The following CDH20 variants were observed in gnomAD, a reference collection of about 807,000 sequenced individuals.
CDH20 encodes cadherin-20.
CDH20 carries 29 observed loss-of-function variants against 74.2 expected under a neutral mutation model. The ratio of observed to expected loss-of-function variants is 0.39; its 90% CI spans 0.29 to 0.53. The LOEUF (loss-of-function observed/expected upper bound fraction) is 0.53, where lower values mean the gene tolerates loss of function less well. CDH20 is among the 20% of genes least tolerant of loss of function. CDH20 has a pLI of 0.69. For missense variants in CDH20, 988 were observed against 1,048.3 expected, an observed-to-expected ratio of 0.94 and a Z score of 0.79; for synonymous variants, 469 against 405.4, an observed-to-expected ratio of 1.16 and a Z score of -1.88.
At chr18:61,495,070 T>C (rs1911087981) in intron 2 of CDH20, among the ~76,000 whole-genome samples, 1 of 152,220 alleles carries the variant, frequency 6.6e-6, no homozygotes, top group South Asian at 2.1e-4. Context: ...ACTTGTCTTA[T>C]TCTGCCTAAA....
chr18:61,379,512 T>C (rs1252459791), intron 1 of CDH20, among the ~76,000 whole-genome samples: 1 of 152,178 alleles, frequency 6.6e-6, no homozygotes, highest in East Asian at 1.9e-4. Context: ...TAAAGCTTAC[T>C]AGAGAAAAGG....
chr18:61,539,206 G>C (rs1912938688), intron 9 of CDH20, 61 bp downstream of exon 9: 1 of 1,571,468 alleles, frequency 6.4e-7, no homozygotes, highest in African/African-American at 1.4e-5. Context: ...ACAATTGTTA[G>C]ATAACCAAAT....
At chr18:61,536,684 A>G in intron 8 of CDH20, 55 bp downstream of exon 8, 1 of 1,513,730 alleles carries the variant, frequency 6.6e-7, no homozygotes. Flanking sequence ...GGTGTTATAG[A>G]AAGTGGAAGT....
intron 1 of CDH20, among the ~76,000 whole-genome samples, chr18:61,337,604 A>T (rs1909800032): frequency 6.6e-6 from 1 of 152,248 alleles, no homozygotes; most frequent in South Asian, 2.1e-4. Context: ...AGTGACCAAG[A>T]AAACATATTT....
At chr18:61,407,849 A>C (rs75411244) in intron 1 of CDH20, among the ~76,000 whole-genome samples, 2,378 of 152,358 alleles carry the variant, frequency 0.016, 41 homozygotes, top group East Asian at 0.088. Flanking sequence ...AGACATGACA[A>C]GCAAATGTAA....
chr18:61,500,927 C>G lies in CDH20; in HGVS notation c.661+425C>G, dbSNP rs538233595. On this transcript the variant is annotated intron_variant, in intron 4 of 11. Transcript: ENST00000262717. ...CTTGGGGGAATCATCCAGTCCATCACCATTTGCTTATCAGATAAAGCAATT... is the reference window on the plus strand; with the variant it reads ...CTTGGGGGAATCATCCAGTCCATCAGCATTTGCTTATCAGATAAAGCAATT... 8.5e-5 allele frequency among the ~76,000 whole-genome samples: 13 copies of G among 152,302 alleles called. No individual in the cohort carries two copies. The South Asian group carries it at 2.7e-3, about 32-fold the overall frequency.
In CDH20 at chr18:61,507,543, A is replaced by G. The variant is rs1911616683; in HGVS notation, c.1000A>G (p.Ile334Val). Residue 334 changes from isoleucine (I) to valine (V), a missense_variant, in exon 6 of 12, where the codon ATC becomes GTC. By Grantham distance (29) the Ile-to-Val change is conservative. Transcript: ENST00000262717. ...ISTDPNFQVG[I>V]ITVKKPLSFE... ...CACAGATCCCAATTTCCAAGTTGGT[A>G]TCATAACTGTGAAGAAGGTAATCCA... 6.2e-7 allele frequency: 1 copy of G among 1,608,906 alleles called. No individual in the cohort carries two copies. Among genetic ancestry groups the G allele is most frequent in the Non-Finnish European group, 8.5e-7 (1 of 1,177,708 alleles).
At chr18:61,348,509 G>C (rs559595599) in intron 1 of CDH20, among the ~76,000 whole-genome samples, 44 of 152,288 alleles carry the variant, frequency 2.9e-4, no homozygotes, top group Admixed American at 6.5e-4. Flanking sequence ...TCTGATGGCA[G>C]AGTTCTCCAT....
chr18:61,338,765 A>C (rs117842261), intron 1 of CDH20, among the ~76,000 whole-genome samples: 1 of 152,198 alleles, frequency 6.6e-6, no homozygotes, highest in Admixed American at 6.5e-5. Context: ...CTCGCTATTT[A>C]TAAGAATGTT....
At chr18:61,513,987 C>T (rs1289393532) in intron 6 of CDH20, among the ~76,000 whole-genome samples, 1 of 151,950 alleles carries the variant, frequency 6.6e-6, no homozygotes, top group Non-Finnish European at 1.5e-5. Flanking sequence ...CTTGGAGTTG[C>T]TCTTCTCAAG....
chr18:61,338,134 G>A (rs1390057980), intron 1 of CDH20, among the ~76,000 whole-genome samples: 1 of 152,164 alleles, frequency 6.6e-6, no homozygotes, highest in Non-Finnish European at 1.5e-5. Flanking sequence ...TGCAAAAGCA[G>A]AAGACTTACT....
intron 1 of CDH20, among the ~76,000 whole-genome samples, chr18:61,347,313 TATATATACACACACACACAC>T (rs1374326395): frequency 1.3e-5 from 1 of 75,454 alleles, no homozygotes; most frequent in African/African-American, 5.5e-5. Flanking sequence ...TATATATATA[TATATATACACACACACACAC>T]ACACACACAC....
At chr18:61,517,981 A>T (rs1912064111) in intron 6 of CDH20, among the ~76,000 whole-genome samples, 1 of 152,050 alleles carries the variant, frequency 6.6e-6, no homozygotes, top group African/African-American at 2.4e-5. Context: ...GTTTTCCCCT[A>T]ACAGTGTAAA....
intron 4 of CDH20, among the ~76,000 whole-genome samples, chr18:61,501,471 T>C (rs537913851): frequency 6.6e-6 from 1 of 152,274 alleles, no homozygotes; most frequent in East Asian, 1.9e-4. Context: ...ACTTCCATTT[T>C]ATATGAGGGT....
chr18:61,443,783 T>C (rs1311301343), intron 1 of CDH20, among the ~76,000 whole-genome samples: 2 of 152,132 alleles, frequency 1.3e-5, no homozygotes, highest in Non-Finnish European at 2.9e-5. Flanking sequence ...CCTTGGTCTC[T>C]AGAGAAGCTT....
At chr18:61,463,183 C>T (rs919886234) in intron 1 of CDH20, among the ~76,000 whole-genome samples, 7 of 152,130 alleles carry the variant, frequency 4.6e-5, no homozygotes, top group African/African-American at 1.7e-4. Context: ...GGATCCTTCT[C>T]GCTTCCTTGT....
chr18:61,362,088 AG>A (rs2144136145), intron 1 of CDH20, among the ~76,000 whole-genome samples: 1 of 152,300 alleles, frequency 6.6e-6, no homozygotes, highest in Non-Finnish European at 1.5e-5. Flanking sequence ...GGAGGATCAG[AG>A]CCCATAAACC....
intron 1 of CDH20, among the ~76,000 whole-genome samples, chr18:61,469,609 A>G (rs1197521408): frequency 6.6e-6 from 1 of 152,178 alleles, no homozygotes; most frequent in South Asian, 2.1e-4. Context: ...AATCCAACAC[A>G]ATATCTCATT....
At chr18:61,388,287 ATAC>A (rs1162787150) in intron 1 of CDH20, among the ~76,000 whole-genome samples, 1 of 152,212 alleles carries the variant, frequency 6.6e-6, no homozygotes, top group Non-Finnish European at 1.5e-5. Flanking sequence ...AGTACAGAAC[ATAC>A]TAGGGGAAGG....
Sources: allele counts gnomAD v4.1 joint callset (sites outside exome capture counted in the v4.1 genomes callset), GRCh38; gene constraint gnomAD v4.1.1; transcripts MANE v1.5; gene names NCBI Gene and HGNC (gene_info 2026-07-23, HGNC 2026-07-21).